The following DIS3L2 variants were observed in gnomAD, a reference collection of about 807,000 sequenced individuals.
DIS3L2 encodes the protein DIS3 like 3'-5' exoribonuclease 2.
DIS3L2 carries 34 observed loss-of-function variants against 97.5 expected under a neutral mutation model. That is an observed-to-expected ratio of 0.35 (90% CI 0.27 to 0.46). The LOEUF (loss-of-function observed/expected upper bound fraction) is 0.46. Among genes scored for constraint, DIS3L2 ranks in the 20% least tolerant of loss-of-function variants. The pLI is 1.00. For missense variants in DIS3L2, 1,038 were observed against 1,146.0 expected (o/e 0.91, Z 1.36); for synonymous variants, 435 against 445.2 (o/e 0.98, Z 0.29).
At chr2:231,962,766 C>CA (rs1360536464) in intron 1 of DIS3L2, among the ~76,000 whole-genome samples, 1 of 152,128 alleles carries the variant, frequency 6.6e-6, no homozygotes, top group African/African-American at 2.4e-5. Flanking sequence ...CATGTGCGCT[C>CA]AATGTTTCTA....
intron 12 of DIS3L2, among the ~76,000 whole-genome samples, chr2:232,250,630 C>T (rs544357768): frequency 5.3e-5 from 8 of 152,218 alleles, no homozygotes; most frequent in African/African-American, 1.4e-4. Flanking sequence ...AAAATTGCCC[C>T]TCCTATAACT....
chr2:232,240,635 C>G (rs921551210), intron 11 of DIS3L2, among the ~76,000 whole-genome samples: 1 of 152,196 alleles, frequency 6.6e-6, no homozygotes, highest in Non-Finnish European at 1.5e-5. Flanking sequence ...CTGGCCTAAG[C>G]CTAAATGCAA....
chr2:232,212,698 A>T (rs1692224025), intron 10 of DIS3L2, among the ~76,000 whole-genome samples: 2 of 152,222 alleles, frequency 1.3e-5, no homozygotes, highest in Admixed American at 1.3e-4. Flanking sequence ...ATAATTTAGC[A>T]TTGCAAGGAA....
intron 6 of DIS3L2, among the ~76,000 whole-genome samples, chr2:232,095,325 T>G (rs1696974403): frequency 6.6e-6 from 1 of 152,178 alleles, no homozygotes; most frequent in South Asian, 2.1e-4. Flanking sequence ...TTGTTGTATG[T>G]TTTTTGATTT....
intron 1 of DIS3L2, among the ~76,000 whole-genome samples, chr2:231,984,650 C>T (rs183168294): frequency 0.011 from 1,708 of 152,190 alleles, 19 homozygotes; most frequent in Non-Finnish European, 0.016. Context: ...GCCTCGGCTT[C>T]CCAAAGTGCT....
At position 232,051,680 on chromosome 2, in the gene DIS3L2, C is replaced by T. The variant is rs539037280; in HGVS notation, c.366+21600C>T. Among the ~76,000 whole-genome samples, 385 of 149,760 alleles carry T rather than the reference C, an allele frequency of 2.6e-3. 7 individuals are homozygous for T. Among genetic ancestry groups the T allele is most frequent in the Admixed American group, 0.021 (316 of 15,092 alleles). On this transcript the variant is annotated intron_variant, in intron 5 of 20. Transcript: ENST00000325385. ...ACAAAAAATTAGCCGGGCGTAGTGG[C>T]GGGCGCCTGTAGTCCCAGCTACTTG... is the stretch of plus-strand genomic sequence containing the variant.
chr2:232,007,353 T>C (rs1315155456), intron 1 of DIS3L2, among the ~76,000 whole-genome samples: 1 of 152,018 alleles, frequency 6.6e-6, no homozygotes, highest in East Asian at 1.9e-4. Context: ...GAGTTAAGAG[T>C]GAGGTTGATA....
At chr2:232,248,045 C>G (rs1216697272) in intron 11 of DIS3L2, among the ~76,000 whole-genome samples, 1 of 152,128 alleles carries the variant, frequency 6.6e-6, no homozygotes, top group Admixed American at 6.5e-5. Flanking sequence ...CAAACAATTG[C>G]CAATTATTTG....
intron 9 of DIS3L2, among the ~76,000 whole-genome samples, chr2:232,195,965 G>T (rs76872223): frequency 2.2e-3 from 335 of 152,232 alleles, no homozygotes; most frequent in African/African-American, 7.5e-3. Context: ...GTTAAAGTAT[G>T]AATTAAATTC....
intron 11 of DIS3L2, among the ~76,000 whole-genome samples, chr2:232,247,639 G>GT (rs1693297471): frequency 1.2e-5 from 1 of 81,650 alleles, no homozygotes; most frequent in African/African-American, 3.9e-5. Flanking sequence ...GGGGGGGCGG[G>GT]GGGGAGGGTG....
chr2:232,003,543 T>C (rs1444571049), intron 1 of DIS3L2, among the ~76,000 whole-genome samples: 1 of 152,268 alleles, frequency 6.6e-6, no homozygotes, highest in East Asian at 1.9e-4. Context: ...TTTCTGGTGC[T>C]TAACATTTAT....
At position 232,334,349 on chromosome 2, in the gene DIS3L2, G is replaced by A. The variant is rs1695870164; in HGVS notation, c.2159-20G>A. ...CAGCCCCCCAGGCTCCCACTCTCAT[G>A]CCTCACCCCCTCTTCCCAGGCTATA... On this transcript the variant is annotated intron_variant, in intron 17 of 20. Transcript: ENST00000325385. The A allele has an allele frequency of 6.2e-7, 1 of 1,611,428 alleles. No individual in the cohort carries two copies. The highest frequency in any genetic ancestry group is 8.5e-7 in the Non-Finnish European group (1 of 1,179,126).
chr2:232,249,394 A>G (rs369502178), intron 12 of DIS3L2, 48 bp downstream of exon 12: 3 of 1,576,952 alleles, frequency 1.9e-6, no homozygotes, highest in African/African-American at 2.7e-5. Flanking sequence ...TTTCTGTTCC[A>G]TGAGTCATGA....
At chr2:232,301,425 G>C (rs993716589) in intron 14 of DIS3L2, among the ~76,000 whole-genome samples, 1 of 152,304 alleles carries the variant, frequency 6.6e-6, no homozygotes, top group African/African-American at 2.4e-5. Flanking sequence ...GAAACAAATA[G>C]GCACATGCCA....
At chr2:232,087,430 G>C (rs527962584) in intron 5 of DIS3L2, 57 bp from the exon 6 acceptor site, 12 of 1,313,174 alleles carry the variant, frequency 9.1e-6, no homozygotes, top group African/African-American at 8.6e-5. Context: ...AGAAAAATCT[G>C]CTCTTTTTTT....
intron 14 of DIS3L2, among the ~76,000 whole-genome samples, chr2:232,319,116 C>A (rs542491927): frequency 3.9e-5 from 6 of 152,158 alleles, no homozygotes. Flanking sequence ...CAGATGGTAT[C>A]GAGTAAGGAG....
At chr2:232,146,735 A>G (rs1440322016) in intron 8 of DIS3L2, among the ~76,000 whole-genome samples, 2 of 152,228 alleles carry the variant, frequency 1.3e-5, no homozygotes, top group African/African-American at 4.8e-5. Context: ...TGTTTCCTGT[A>G]TGAAAACTAG....
intron 6 of DIS3L2, among the ~76,000 whole-genome samples, chr2:232,110,678 A>G (rs535460593): frequency 9.2e-5 from 14 of 152,130 alleles, no homozygotes; most frequent in South Asian, 2.1e-4. Context: ...GAGGGGAACA[A>G]TACACACCGG....
chr2:232,022,935 G>T (rs907732417), intron 3 of DIS3L2: 2 of 152,180 alleles, frequency 1.3e-5, no homozygotes, highest in Non-Finnish European at 2.9e-5. Context: ...TTATCTCCTG[G>T]TCCCTCCCTC....
Sources: allele counts gnomAD v4.1 joint callset (sites outside exome capture counted in the v4.1 genomes callset), GRCh38; gene constraint gnomAD v4.1.1; transcripts MANE v1.5; gene names NCBI Gene and HGNC (gene_info 2026-07-23, HGNC 2026-07-21).